Variants in TPP2 observed in about 807,000 individuals in gnomAD.
The protein encoded by TPP2 is tripeptidyl-peptidase 2.
In TPP2, 34 loss-of-function variants were observed where a neutral mutation model predicts 155.9. The observed-to-expected ratio is 0.22, with a 90% CI of 0.17 to 0.29. The LOEUF (loss-of-function observed/expected upper bound fraction) is 0.29. Among genes scored for constraint, TPP2 ranks in the 10% least tolerant of loss-of-function variants. TPP2 has a pLI of 1.00. For synonymous variants in TPP2, 510 were observed against 529.4 expected (o/e 0.96, Z 0.50); for missense variants, 1,028 against 1,522.3 (o/e 0.68, Z 5.40).
At chr13:102,643,135 A>T (rs1566350718) in intron 16 of TPP2, 87 bp from the exon 17 acceptor site, 5 of 1,276,842 alleles carry the variant, frequency 3.9e-6, no homozygotes, top group Non-Finnish European at 5.2e-6. Flanking sequence ...CATGGGAATT[A>T]TCCCTAAGTG....
intron 14 of TPP2, 63 bp from the exon 15 acceptor site, chr13:102,638,175 AC>A (rs1882511584): frequency 7.6e-7 from 1 of 1,313,214 alleles, no homozygotes; most frequent in Admixed American, 1.7e-5. Context: ...AGTAGTTTAG[AC>A]CTTCCCCCGC....
intron 25 of TPP2, among the ~76,000 whole-genome samples, chr13:102,662,529 A>G (rs1295961542): frequency 6.6e-6 from 1 of 152,196 alleles, no homozygotes; most frequent in Non-Finnish European, 1.5e-5. Flanking sequence ...AAAATTTATA[A>G]TTAAGGTGCA....
At chr13:102,604,726 G>A (rs529265894) in intron 1 of TPP2, 67 bp from the exon 2 acceptor site, 1 of 1,517,924 alleles carries the variant, frequency 6.6e-7, no homozygotes, top group South Asian at 1.2e-5. Context: ...TATATATGTG[G>A]ATTTGCATTG....
chr13:102,651,215 C>T (rs1337548231), intron 23 of TPP2, 144 bp from the exon 24 acceptor site: 1 of 723,482 alleles, frequency 1.4e-6, no homozygotes, highest in Non-Finnish European at 2.1e-6. Context: ...TCTTTAAAAG[C>T]ATGCCATCTT....
intron 6 of TPP2, among the ~76,000 whole-genome samples, chr13:102,625,953 T>C (rs1881590350): frequency 6.6e-6 from 1 of 152,266 alleles, no homozygotes; most frequent in Non-Finnish European, 1.5e-5. Flanking sequence ...GGCTAGTTTT[T>C]TGTTTTAGTA....
At chr13:102,648,059 A>G (rs560483344) in intron 21 of TPP2, among the ~76,000 whole-genome samples, 55 of 152,272 alleles carry the variant, frequency 3.6e-4, no homozygotes, top group African/African-American at 1.3e-3. Flanking sequence ...CTGCAGTGCT[A>G]TTATTTTGGT....
At chr13:102,621,580 G>A (rs1180013919) in intron 5 of TPP2, among the ~76,000 whole-genome samples, 2 of 152,034 alleles carry the variant, frequency 1.3e-5, no homozygotes, top group Non-Finnish European at 2.9e-5. Context: ...GGTGAGGGAG[G>A]TGAGCAGATG....
At chr13:102,675,104 A>G (rs937401567) in intron 28 of TPP2, among the ~76,000 whole-genome samples, 2 of 152,234 alleles carry the variant, frequency 1.3e-5, no homozygotes, top group Admixed American at 1.3e-4. Context: ...AAATAAAGTA[A>G]ATGGAGTCAG....
chr13:102,648,796 C>A, intron 21 of TPP2, 111 bp from the exon 22 acceptor site: 1 of 1,395,070 alleles, frequency 7.2e-7, no homozygotes. Flanking sequence ...CACTGTACCT[C>A]ACATATTATG....
chr13:102,637,248 G>A lies in TPP2; in HGVS notation c.1836+9G>A, dbSNP rs780733158. 5 of 1,576,828 alleles carry A rather than the reference G, an allele frequency of 3.2e-6. No individual in the cohort carries two copies. Among genetic ancestry groups the A allele is most frequent in the Non-Finnish European group, 4.3e-6 (5 of 1,172,890 alleles). Reference sequence around the variant, plus strand: ...GATTGCATTATACAGAGGTATTGATGTATCTTCATTTTTACTTTCTTCACT... The same window carrying A: ...GATTGCATTATACAGAGGTATTGATATATCTTCATTTTTACTTTCTTCACT... On this transcript the variant is annotated intron_variant, in intron 14 of 29. Transcript: ENST00000376052.
In TPP2 at chr13:102,619,245, C is replaced by CT. The variant is rs1165093433; in HGVS notation, c.620+400dup. On this transcript the variant is annotated intron_variant, in intron 5 of 29. Transcript: ENST00000376052. ...GCTGCTGCTGTTTCTATTACTAAAACTAATAATAATAATGCGATTTATACC... is the reference window on the plus strand; with the variant it reads ...GCTGCTGCTGTTTCTATTACTAAAACTTAATAATAATAATGCGATTTATACC... Among the ~76,000 whole-genome samples the CT allele has an allele frequency of 2.6e-5, 4 of 152,208 alleles. No individual in the cohort carries two copies. The East Asian group carries it at 7.7e-4, about 29-fold the overall frequency.
rs200612094 is a variant in TPP2 at position 102,644,930 on chromosome 13, C to T, written c.2314C>T (p.Arg772Cys). 5 of 1,613,878 alleles carry T rather than the reference C, an allele frequency of 3.1e-6. No individual in the cohort carries two copies. Among genetic ancestry groups the T allele is most frequent in the Non-Finnish European group, 4.2e-6 (5 of 1,179,904 alleles). The change falls in exon 19 of 30, where the codon CGC becomes TGC. Residue 772 changes from arginine to cysteine, a missense_variant. Around this residue, in one of 7 missense-constraint regions of TPP2, gnomAD observed 325 missense variants for 463.7 expected, o/e 0.70. Coordinates refer to ENST00000376052, the MANE Select transcript of TPP2 (RefSeq NM_001330588.2). Reference protein sequence around the residue: ...LNIHASEGINRFDVQSSLKYE... With the variant: ...LNIHASEGINCFDVQSSLKYE... The stretch of plus-strand genomic sequence containing the variant: ...GTAGCATGCATCGGAAGGAATCAAC[C>T]GCTTTGATGTTCAGTCCTCCTTGAA...
intron 6 of TPP2, among the ~76,000 whole-genome samples, chr13:102,624,963 G>T (rs6491698): frequency 0.5 from 72,142 of 143,854 alleles, 18,203 homozygotes; most frequent in African/African-American, 0.61. Context: ...AGGTTCAAGT[G>T]ATTCTCCTGC....
At position 102,597,219 on chromosome 13, in the gene TPP2, AG is replaced by A. The variant is rs758468560; in HGVS notation, c.165+19del. The A allele has an allele frequency of 9.6e-6, 13 of 1,357,872 alleles. No individual in the cohort carries two copies. The highest frequency in any genetic ancestry group is 1.2e-5 in the Non-Finnish European group (13 of 1,050,422). The allele number at this position is 1,357,872 out of a possible 1,614,324, so 84.1% of individuals were successfully genotyped here. On this transcript the variant is annotated intron_variant, in intron 1 of 29. Transcript: ENST00000376052. ...GGGCATGCAGGTGAGGCGGCCCCCG[AG>A]GGCCCGGGCGCGGGGGCGCGGGCGG...
intron 6 of TPP2, 63 bp downstream of exon 6, chr13:102,623,103 G>C: frequency 4.6e-6 from 7 of 1,513,436 alleles, no homozygotes; most frequent in Non-Finnish European, 8.9e-7. Flanking sequence ...GGTACGTTGC[G>C]ATAGCTCACA....
At chr13:102,637,261 T>C in intron 14 of TPP2, 22 bp downstream of exon 14, 1 of 1,570,924 alleles carries the variant, frequency 6.4e-7, no homozygotes, top group Non-Finnish European at 8.5e-7. Context: ...TCTTCATTTT[T>C]ACTTTCTTCA....
intron 21 of TPP2, 50 bp from the exon 22 acceptor site, chr13:102,648,856 CG>C: frequency 2.6e-6 from 4 of 1,535,490 alleles, no homozygotes; most frequent in Non-Finnish European, 3.5e-6. Context: ...CAGTGATTTC[CG>C]TTGACTTGGT....
At chr13:102,623,661 A>G (rs916370835) in intron 6 of TPP2, among the ~76,000 whole-genome samples, 4 of 152,252 alleles carry the variant, frequency 2.6e-5, no homozygotes, top group African/African-American at 9.6e-5. Flanking sequence ...AGAATCAGAT[A>G]AAAGAATCCT....
At chr13:102,631,973 G>T (rs903650810) in intron 10 of TPP2, among the ~76,000 whole-genome samples, 2 of 152,194 alleles carry the variant, frequency 1.3e-5, no homozygotes, top group Admixed American at 1.3e-4. Context: ...TCTGGGCCGG[G>T]TGCAGTGGCT....
Sources: allele counts gnomAD v4.1 joint callset (sites outside exome capture counted in the v4.1 genomes callset), GRCh38; gene constraint gnomAD v4.1.1; regional missense constraint gnomAD v4.1.1; transcripts MANE v1.5; gene names NCBI Gene and HGNC (gene_info 2026-07-23, HGNC 2026-07-21).